TENM3: variants seen among roughly 807,000 people sequenced by gnomAD.
TENM3 encodes the protein teneurin-3.
A neutral mutation model predicts 255.1 loss-of-function variants in TENM3; 63 were observed. That is an observed-to-expected ratio of 0.25 (90% CI 0.20 to 0.30). The LOEUF is 0.30. Ranked by LOEUF, TENM3 falls within the 10% of genes least tolerant of loss-of-function variation. The pLI, the probability that TENM3 is intolerant of heterozygous loss-of-function variation, is 1.00. For synonymous variants in TENM3, 1,306 were observed against 1,322.3 expected (o/e 0.99, Z 0.27); for missense variants, 2,929 against 3,461.1 (o/e 0.85, Z 3.86).
At chr4:182,082,259 C>T in the TENM3 span, among the ~76,000 whole-genome samples, 1 of 152,140 alleles carries the variant, frequency 6.6e-6, no homozygotes, top group Non-Finnish European at 1.5e-5. Flanking sequence ...CCTCACATGG[C>T]AGAAAGAGCA....
chr4:182,445,504 G>A (rs543658380), intron 3 of TENM3, among the ~76,000 whole-genome samples: 1 of 152,198 alleles, frequency 6.6e-6, no homozygotes, highest in South Asian at 2.1e-4. Flanking sequence ...GTTACAATTC[G>A]ATTTTTCTTC....
At chr4:181,499,615 C>T in the TENM3 span, among the ~76,000 whole-genome samples, 1 of 152,096 alleles carries the variant, frequency 6.6e-6, no homozygotes, top group African/African-American at 2.4e-5. Flanking sequence ...AAACAGCCAC[C>T]AAAGAGTGCT....
the TENM3 span, among the ~76,000 whole-genome samples, chr4:181,877,633 T>C: frequency 6.6e-6 from 1 of 152,278 alleles, no homozygotes; most frequent in South Asian, 2.1e-4. Context: ...CTGGGGTTTC[T>C]TTCTAGCCCT....
chr4:181,598,135 A>G, the TENM3 span, among the ~76,000 whole-genome samples: 1 of 152,200 alleles, frequency 6.6e-6, no homozygotes, highest in Admixed American at 6.5e-5. Flanking sequence ...TCACGTGCTA[A>G]GCAATGCAAT....
intron 1 of TENM3, among the ~76,000 whole-genome samples, chr4:182,214,635 G>A (rs1043720652): frequency 6.6e-6 from 1 of 151,686 alleles, no homozygotes; most frequent in Non-Finnish European, 1.5e-5. Flanking sequence ...CCAAGTGCTG[G>A]GATTATAGAT....
rs1245905774 is a variant in TENM3 at position 182,621,733 on chromosome 4, A to G, written c.750-6918A>G. Among the ~76,000 whole-genome samples, 3 of 60,306 alleles carry G rather than the reference A, an allele frequency of 5.0e-5. 1 individual carries two copies. The highest frequency in any genetic ancestry group is 7.1e-5 in the African/African-American group (1 of 14,132). The allele number at this position is 60,306 out of a possible 152,430, so 39.6% of individuals were successfully genotyped here. On this transcript the variant is annotated intron_variant, in intron 4 of 27. Transcript: ENST00000511685. Reference sequence around the variant, plus strand: ...ATATAATATATATTATATATAAAATATATAATATATAATATATTATAATAT... The same window carrying G: ...ATATAATATATATTATATATAAAATGTATAATATATAATATATTATAATAT...
rs868495027 is a variant in TENM3, at chr4:182,777,583, A to C, written c.5304+2430A>C. On this transcript the variant is annotated intron_variant, in intron 24 of 27. Transcript: ENST00000511685. ...TTTTTTTTTTTTTTTTTTGAGATGGAGTTTCACTCTGTTGCCCAGGCTGGA... is the reference window on the plus strand; with the variant it reads ...TTTTTTTTTTTTTTTTTTGAGATGGCGTTTCACTCTGTTGCCCAGGCTGGA... Among the ~76,000 whole-genome samples, 82 of 73,502 alleles carry C rather than the reference A, an allele frequency of 1.1e-3. 1 individual carries two copies. Among genetic ancestry groups the C allele is most frequent in the African/African-American group, 4.8e-3 (80 of 16,816 alleles). The allele number at this position is 73,502 out of a possible 152,430, so 48.2% of individuals were successfully genotyped here.
the TENM3 span, among the ~76,000 whole-genome samples, chr4:181,735,856 T>C: frequency 1.3e-5 from 2 of 152,174 alleles, no homozygotes; most frequent in Admixed American, 6.6e-5. Context: ...AATTTCACAA[T>C]TGCCAACTAA....
At chr4:181,541,199 TTC>T in the TENM3 span, among the ~76,000 whole-genome samples, 1 of 151,702 alleles carries the variant, frequency 6.6e-6, no homozygotes, top group East Asian at 1.9e-4. Context: ...TATAATGAGA[TTC>T]TCTCTCTACA....
Position 182,793,848 on chromosome 4 carries a change from T to C in TENM3, c.7176T>C (p.Pro2392=), listed in dbSNP as rs569241774. 1 of 1,611,788 alleles carries C rather than the reference T, an allele frequency of 6.2e-7. No homozygotes were observed. The highest frequency in any genetic ancestry group is 2.2e-5 in the East Asian group (1 of 44,834). ...TGTACATGTTTAGGAATAACAACCC[T>C]GCAAGCAAAATCCATGACGTGAAAG... The part of the protein sequence containing the change: ...FNLYMFRNNN[P]ASKIHDVKDY... Residue 2392 remains proline, a synonymous_variant, in exon 26 of 28, where the codon CCT becomes CCC. Transcript: ENST00000511685. This position sits in a 1 kb window ranked among gnomAD's most constrained non-coding sequence, Gnocchi z 5.7.
At chr4:181,638,934 A>G in the TENM3 span, among the ~76,000 whole-genome samples, 1 of 152,218 alleles carries the variant, frequency 6.6e-6, no homozygotes, top group Non-Finnish European at 1.5e-5. Flanking sequence ...AAGACTGTTC[A>G]TGCATGAAGC....
At chr4:182,688,440 T>C (rs1756763221) in intron 12 of TENM3, 89 bp downstream of exon 12, 2 of 1,057,474 alleles carry the variant, frequency 1.9e-6, no homozygotes, top group Non-Finnish European at 2.5e-6. Context: ...AAAGCCTATT[T>C]CTTTACGTTA....
chr4:181,553,723 G>A, the TENM3 span, among the ~76,000 whole-genome samples: 5 of 152,074 alleles, frequency 3.3e-5, no homozygotes, highest in South Asian at 2.1e-4. Context: ...TTACAGGCGT[G>A]AGCCACCGCG....
At chr4:182,632,511 G>A (rs1438740753) in intron 5 of TENM3, among the ~76,000 whole-genome samples, 2 of 151,998 alleles carry the variant, frequency 1.3e-5, no homozygotes, top group South Asian at 2.1e-4. Flanking sequence ...TACTAGTAGC[G>A]CTGACTATCT....
chr4:181,526,281 C>A, the TENM3 span, among the ~76,000 whole-genome samples: 16 of 144,830 alleles, frequency 1.1e-4, no homozygotes, highest in Admixed American at 3.4e-4. Context: ...AAAAAAAAAA[C>A]CAGCAAAGTA....
chr4:181,686,662 A>G, the TENM3 span, among the ~76,000 whole-genome samples: 1 of 152,188 alleles, frequency 6.6e-6, no homozygotes, highest in Admixed American at 6.6e-5. Flanking sequence ...AAAGACAAAA[A>G]TGATTCTATA....
rs199874810 is a variant in TENM3 at position 182,594,100 on chromosome 4, AT to A, written c.512-6823del. Among the ~76,000 whole-genome samples the A allele has an allele frequency of 1.4e-3, 207 of 152,272 alleles. 4 individuals carry two copies. In the East Asian group the frequency reaches 0.03, roughly 22 times the overall value. ...CTAGGCCGAACTTCATGACTATGAG[AT>A]CAAATTCCTTCCTGTGTGAGAACTG... On this transcript the variant is annotated intron_variant, in intron 3 of 27. Transcript: ENST00000511685.
chr4:181,624,181 G>T, the TENM3 span, among the ~76,000 whole-genome samples: 22 of 152,162 alleles, frequency 1.4e-4, no homozygotes, highest in Non-Finnish European at 2.9e-4. Context: ...AAACCCTCTG[G>T]CTACAAGTTC....
chr4:182,181,303 C>T (rs1046718401), intron 1 of TENM3, among the ~76,000 whole-genome samples: 5 of 152,302 alleles, frequency 3.3e-5, no homozygotes, highest in Admixed American at 1.3e-4. Flanking sequence ...AACTAACACC[C>T]TTAAAAGGCA....
Sources: allele counts gnomAD v4.1 joint callset (sites outside exome capture counted in the v4.1 genomes callset), GRCh38; gene constraint gnomAD v4.1.1; non-coding constraint Gnocchi (gnomAD v3.1); transcripts MANE v1.5; gene names NCBI Gene and HGNC (gene_info 2026-07-23, HGNC 2026-07-21).